Variants in RMP64 observed in about 807,000 individuals in gnomAD.
The protein encoded by RMP64 is ribonuclease MRP subunit p64, also known as nucleolus and neural progenitor protein.
At chr3:113,018,462 T>C in the RMP64 span, among the ~76,000 whole-genome samples, 1 of 152,128 alleles carries the variant, frequency 6.6e-6, no homozygotes, top group Non-Finnish European at 1.5e-5. Context: ...ATCTGTAAAG[T>C]GTGTAGGATG....
chr3:113,008,277 C>T, the RMP64 span: 1 of 1,614,140 alleles, frequency 6.2e-7, no homozygotes, highest in Non-Finnish European at 8.5e-7. Context: ...CATACAACTG[C>T]CATCTGGATT....
chr3:113,003,093 G>C, the RMP64 span: 1 of 153,082 alleles, frequency 6.5e-6, no homozygotes, highest in African/African-American at 2.4e-5. Flanking sequence ...GGTAATCCCA[G>C]CACTTTGGGA....
the RMP64 span, chr3:113,003,716 G>C: frequency 6.6e-5 from 10 of 152,168 alleles, no homozygotes; most frequent in African/African-American, 1.7e-4. Context: ...TCCAATGAAA[G>C]ATAAGCTCCA....
the RMP64 span, chr3:113,013,249 T>C: frequency 6.2e-7 from 1 of 1,608,876 alleles, no homozygotes; most frequent in Non-Finnish European, 8.5e-7. Flanking sequence ...AAAGAAGGTA[T>C]ATTTCAAGAT....
At chr3:113,011,473 G>A in the RMP64 span, 1 of 1,383,240 alleles carries the variant, frequency 7.2e-7, no homozygotes, top group Non-Finnish European at 9.8e-7. Flanking sequence ...ATAATAAACT[G>A]CAAGATTGAA....
At chr3:113,005,414 C>T in the RMP64 span, 3 of 648,800 alleles carry the variant, frequency 4.6e-6, no homozygotes, top group Non-Finnish European at 8.2e-6. Context: ...AACTCCTGTG[C>T]AATGCTGCAC....
At chr3:113,004,796 T>C in the RMP64 span, 1 of 152,422 alleles carries the variant, frequency 6.6e-6, no homozygotes, top group Non-Finnish European at 1.5e-5. Context: ...TTCATTTTAC[T>C]TTCTCATCTA....
the RMP64 span, chr3:113,008,074 T>G: frequency 8.9e-7 from 1 of 1,119,428 alleles, no homozygotes; most frequent in Admixed American, 2.1e-5. Flanking sequence ...CCGCTGCGGC[T>G]GCTGGACATC....
At chr3:113,005,495 G>T in the RMP64 span, 1 of 1,284,946 alleles carries the variant, frequency 7.8e-7, no homozygotes, top group Non-Finnish European at 1.1e-6. Context: ...CACTGAACTA[G>T]CCTTGTTAAT....
At chr3:113,013,911 C>T in the RMP64 span, 5 of 1,347,136 alleles carry the variant, frequency 3.7e-6, no homozygotes, top group Non-Finnish European at 5.3e-6. Flanking sequence ...ACATTGAGTT[C>T]CCAGCCCACC....
chr3:113,019,606 A>C, the RMP64 span: 1 of 1,613,842 alleles, frequency 6.2e-7, no homozygotes, highest in Non-Finnish European at 8.5e-7. Context: ...GGATTCTCAC[A>C]CGGTTCCACG....
the RMP64 span, chr3:113,019,058 G>A: frequency 1.2e-5 from 2 of 166,590 alleles, no homozygotes; most frequent in East Asian, 1.9e-4. Flanking sequence ...AGGAGTAGGA[G>A]GACTAACTCC....
the RMP64 span, among the ~76,000 whole-genome samples, chr3:113,017,044 CAA>C: frequency 1.3e-5 from 2 of 152,164 alleles, no homozygotes; most frequent in Non-Finnish European, 2.9e-5. Context: ...AATAAGTAGA[CAA>C]GTTTTTTTAA....
At chr3:113,009,224 C>T in the RMP64 span, among the ~76,000 whole-genome samples, 1 of 152,004 alleles carries the variant, frequency 6.6e-6, no homozygotes, top group African/African-American at 2.4e-5. Context: ...ATTTTACTAA[C>T]GTTTACTATT....
the RMP64 span, chr3:113,019,617 G>A: frequency 2.9e-5 from 46 of 1,613,632 alleles, no homozygotes; most frequent in African/African-American, 6.1e-4. Flanking sequence ...CGGTTCCACG[G>A]CTCCAGGCCC....
At chr3:113,006,050 A>G in the RMP64 span, 72 of 1,301,728 alleles carry the variant, frequency 5.5e-5, no homozygotes, top group African/African-American at 8.0e-4. Context: ...AGATGAGAAA[A>G]ACATTCTCAA....
At chr3:113,003,033 C>T in the RMP64 span, 1 of 152,208 alleles carries the variant, frequency 6.6e-6, no homozygotes, top group African/African-American at 2.4e-5. Context: ...TTATAAATGG[C>T]CTGTGTGTCC....
the RMP64 span, chr3:113,012,679 C>A: frequency 1.0e-5 from 10 of 982,692 alleles, 1 homozygote; most frequent in South Asian, 1.2e-4. Context: ...TAATAAGAAA[C>A]CTAGGCTGAA....
chr3:113,014,064 G>A, the RMP64 span: 5 of 1,369,208 alleles, frequency 3.7e-6, no homozygotes, highest in Non-Finnish European at 4.2e-6. Flanking sequence ...AAATTCATGT[G>A]TATGTAATGC....
Sources: allele counts gnomAD v4.1 joint callset (sites outside exome capture counted in the v4.1 genomes callset), GRCh38; gene constraint gnomAD v4.1.1; transcripts MANE v1.5; gene names NCBI Gene and HGNC (gene_info 2026-07-23, HGNC 2026-07-21).